The following XRCC2 variants were observed in gnomAD, a reference collection of about 807,000 sequenced individuals.
The protein encoded by XRCC2 is DNA repair protein XRCC2.
Under a neutral mutation model 27.3 loss-of-function variants are expected in XRCC2, and 24 were observed. That is an observed-to-expected ratio of 0.88 (90% confidence interval 0.64 to 1.24). The LOEUF is 1.24. Among genes scored for constraint, XRCC2 ranks in the 50% most tolerant of loss-of-function variants. XRCC2 has a pLI of 0.00. For missense variants in XRCC2, 321 were observed against 325.8 expected (o/e 0.99, Z 0.11); for synonymous variants, 106 against 115.4 (o/e 0.92, Z 0.52).
chr7:152,654,869 C>A (rs765570948), intron 2 of XRCC2, among the ~76,000 whole-genome samples: 2 of 152,206 alleles, frequency 1.3e-5, no homozygotes, highest in African/African-American at 4.8e-5. Flanking sequence ...TCATTAAGGT[C>A]CTTGAACTAA....
rs530664762 is a variant in XRCC2 at position 152,663,346 on chromosome 7, T to TAAAAAAAAAAAAAAAAAAAAAAAA, written c.40-2588_40-2565dup. Among the ~76,000 whole-genome samples, 45 of 80,904 alleles carry TAAAAAAAAAAAAAAAAAAAAAAAA rather than the reference T, an allele frequency of 5.6e-4. 2 individuals carry two copies. Among genetic ancestry groups the TAAAAAAAAAAAAAAAAAAAAAAAA allele is most frequent in the Non-Finnish European group, 1.0e-3 (41 of 40,470 alleles). 53.1% of individuals were successfully genotyped at this position (80,904 alleles called of 152,430 possible). On this transcript the variant is annotated intron_variant, in intron 1 of 2. Transcript: ENST00000359321. ...GCTTTACGTAAGAATGTCTTTGAAGTAAAAAAAAAAAAAAAAAAAAAAAAA... is the reference window on the plus strand; with the variant it reads ...GCTTTACGTAAGAATGTCTTTGAAGTAAAAAAAAAAAAAAAAAAAAAAAAAAAAAAAAAAAAAAAAAAAAAAAAA...
Position 152,648,434 on chromosome 7 carries a change from CT to C in XRCC2, c.*207del. The C allele has an allele frequency of 2.9e-6, 1 of 348,798 alleles. No homozygotes were observed. The allele number at this position is 348,798 out of a possible 1,614,324, so 21.6% of individuals were successfully genotyped here. On this transcript the variant is annotated 3_prime_UTR_variant, in exon 3 of 3. Transcript: ENST00000359321. ...AAAAGAAAAAAAAAAAAAAAGAAAA[CT>C]TTTGGCCACGAGCAGTGGCTCACGC... is the stretch of plus-strand genomic sequence containing the variant.
At chr7:152,654,910 G>A (rs2098030102) in intron 2 of XRCC2, among the ~76,000 whole-genome samples, 1 of 152,182 alleles carries the variant, frequency 6.6e-6, no homozygotes, top group Non-Finnish European at 1.5e-5. Flanking sequence ...ATGATGAACT[G>A]AAATCAGTTT....
In XRCC2 at chr7:152,646,242, T is replaced by C. The variant is rs1156959076; in HGVS notation, c.*2400A>G. On this transcript the variant is annotated 3_prime_UTR_variant, in exon 3 of 3. Transcript: ENST00000359321. Reference sequence around the variant, plus strand: ...TGCAAGGACCTTAGCACACTAATTCTTCTGCTCCTAATGTCAAATTATATG... The same window carrying C: ...TGCAAGGACCTTAGCACACTAATTCCTCTGCTCCTAATGTCAAATTATATG... The C allele has an allele frequency of 6.6e-6, 1 of 152,092 alleles. No individual in the cohort carries two copies. The highest frequency in any genetic ancestry group is 1.5e-5 in the Non-Finnish European group (1 of 68,056). The allele number at this position is 152,092 out of a possible 1,614,324, so 9.4% of individuals were successfully genotyped here. A position where few individuals can be genotyped will look rare whatever the true frequency, so the allele number is the denominator to read the frequency against.
chr7:152,659,576 A>G (rs2098032181), intron 2 of XRCC2, among the ~76,000 whole-genome samples: 1 of 152,226 alleles, frequency 6.6e-6, no homozygotes, highest in Non-Finnish European at 1.5e-5. Context: ...CCGTGAGGAC[A>G]ATGTAAATCA....
chr7:152,650,292 T>A (rs1241413288), intron 2 of XRCC2, among the ~76,000 whole-genome samples: 2 of 152,372 alleles, frequency 1.3e-5, no homozygotes, highest in East Asian at 3.9e-4. Flanking sequence ...CTTTGCTATT[T>A]GAATTATCTC....
intron 1 of XRCC2, among the ~76,000 whole-genome samples, chr7:152,670,624 A>G (rs1225827631): frequency 6.6e-6 from 1 of 151,934 alleles, no homozygotes; most frequent in Non-Finnish European, 1.5e-5. Flanking sequence ...TTTGAGACCA[A>G]GTCTCACTCT....
chr7:152,648,693 A>T lies in XRCC2; in HGVS notation c.792T>A (p.Ser264Arg), dbSNP rs2098027115. The change falls in exon 3 of 3, where the codon AGT becomes AGA. Residue 264 changes from serine to arginine, a missense_variant. Ser to Arg is a moderately radical substitution (Grantham distance 110). Transcript: ENST00000359321. ...SLVSRCLKSN[S>R]LKKHFFIIGE... The stretch of plus-strand genomic sequence containing the variant: ...CAATAATAAAAAAATGTTTTTTTAA[A>T]CTGTTACTTTTTAAACAACGTGAAA... The T allele has an allele frequency of 1.2e-6, 2 of 1,606,352 alleles. No individual in the cohort carries two copies. Among genetic ancestry groups the T allele is most frequent in the African/African-American group, 1.3e-5 (1 of 74,308 alleles).
intron 1 of XRCC2, among the ~76,000 whole-genome samples, chr7:152,666,059 AG>A (rs1319148041): frequency 1.5e-5 from 2 of 129,812 alleles, no homozygotes; most frequent in African/African-American, 2.9e-5. Context: ...CATTTTTCTC[AG>A]TTTTTTCTTA....
chr7:152,674,705 T>TATATATAATATATATTTAAATATATATTA (rs200794364), intron 1 of XRCC2, among the ~76,000 whole-genome samples: 1 of 20,696 alleles, frequency 4.8e-5, no homozygotes, highest in Non-Finnish European at 8.2e-5. Flanking sequence ...AAATATATAT[T>TATATATAATATATATTTAAATATATATTA]TATATAATAT....
At chr7:152,665,163 C>T (rs777712298) in intron 1 of XRCC2, among the ~76,000 whole-genome samples, 1 of 152,070 alleles carries the variant, frequency 6.6e-6, no homozygotes, top group African/African-American at 2.4e-5. Flanking sequence ...TTCAAGTTGC[C>T]CATTTGGTCC....
At chr7:152,651,451 C>A (rs1409533379) in intron 2 of XRCC2, among the ~76,000 whole-genome samples, 1 of 146,104 alleles carries the variant, frequency 6.8e-6, no homozygotes, top group East Asian at 2.0e-4. Context: ...AAAAAGCCAC[C>A]CATGGTGGTG....
chr7:152,668,506 C>T (rs1178483614), intron 1 of XRCC2, among the ~76,000 whole-genome samples: 2 of 151,916 alleles, frequency 1.3e-5, no homozygotes, highest in Non-Finnish European at 2.9e-5. Context: ...CCTGCAGTTT[C>T]AGAAGCGAAA....
At chr7:152,669,093 A>G (rs1443183117) in intron 1 of XRCC2, among the ~76,000 whole-genome samples, 1 of 152,134 alleles carries the variant, frequency 6.6e-6, no homozygotes, top group Admixed American at 6.5e-5. Context: ...TAAACTGAAA[A>G]TCAGGCCAGG....
intron 1 of XRCC2, among the ~76,000 whole-genome samples, chr7:152,675,299 G>A (rs1425283199): frequency 1.3e-5 from 2 of 152,050 alleles, no homozygotes; most frequent in East Asian, 3.9e-4. Context: ...ATCTCCTCCT[G>A]CATCTTCCAT....
chr7:152,674,691 T>A (rs1363941992), intron 1 of XRCC2, among the ~76,000 whole-genome samples: 1 of 89,858 alleles, frequency 1.1e-5, no homozygotes, highest in Non-Finnish European at 2.3e-5. Flanking sequence ...ATAAATATAT[T>A]TTTAAATATA....
rs759698220 is a variant in XRCC2 at position 152,649,076 on chromosome 7, A to G, written c.409T>C (p.Phe137Leu). 6.2e-7 allele frequency: 1 copy of G among 1,614,200 alleles called. No individual in the cohort carries two copies. Among genetic ancestry groups the G allele is most frequent in the Admixed American group, 1.7e-5 (1 of 60,002 alleles). The change falls in exon 3 of 3, where the codon TTT becomes CTT. Residue 137 changes from phenylalanine to leucine, a missense_variant. By Grantham distance (22) the Phe-to-Leu change is conservative (BLOSUM62 0). Transcript: ENST00000359321. ...LLTLYSLESM[F>L]CSHPSLCLLI... ...AGGCAGAGAGATGGGTGACTACAAA[A>G]CATACTTTCTAGTGAGTAAAGTGTA...
chr7:152,650,493 G>A (rs2098028059), intron 2 of XRCC2, among the ~76,000 whole-genome samples: 3 of 152,162 alleles, frequency 2.0e-5, no homozygotes, highest in Admixed American at 2.0e-4. Flanking sequence ...ACTCACAGTG[G>A]CATTCAACTC....
intron 1 of XRCC2, among the ~76,000 whole-genome samples, chr7:152,669,225 G>A (rs977855648): frequency 1.1e-4 from 16 of 152,052 alleles, no homozygotes; most frequent in African/African-American, 3.6e-4. Flanking sequence ...AAAAATAAAA[G>A]TTAAAAATTA....
Sources: allele counts gnomAD v4.1 joint callset (sites outside exome capture counted in the v4.1 genomes callset), GRCh38; gene constraint gnomAD v4.1.1; transcripts MANE v1.5; gene names NCBI Gene and HGNC (gene_info 2026-07-23, HGNC 2026-07-21).